CD247: variants seen among roughly 807,000 people sequenced by gnomAD.
CD247 encodes T-cell surface glycoprotein CD3 zeta chain.
In CD247, 13 loss-of-function variants were observed where a neutral mutation model predicts 30.0. The ratio of observed to expected loss-of-function variants is 0.43; its 90% CI spans 0.28 to 0.69. The LOEUF (loss-of-function observed/expected upper bound fraction) is 0.69, where lower values mean the gene tolerates loss of function less well. CD247 is among the 30% of genes least tolerant of loss of function. The pLI is 0.16. For missense variants in CD247, 193 were observed against 212.6 expected, an observed-to-expected ratio of 0.91 and a Z score of 0.57; for synonymous variants, 72 against 80.0, an observed-to-expected ratio of 0.90 and a Z score of 0.53.
intron 1 of CD247, among the ~76,000 whole-genome samples, chr1:167,506,549 A>AT (rs1199999497): frequency 6.6e-6 from 1 of 150,692 alleles, no homozygotes; most frequent in Non-Finnish European, 1.5e-5. Flanking sequence ...TTTTTTTTGT[A>AT]TTTTAGAAGA....
rs1295508813 is a variant in CD247, at chr1:167,431,512, A to ACAGT, written c.*165_*168dup. 9.8e-6 allele frequency: 7 copies of ACAGT among 717,526 alleles called. No individual in the cohort carries two copies. The African/African-American group carries it at 1.2e-4, about 12-fold the overall frequency. The allele number at this position is 717,526 out of a possible 1,614,324, so 44.4% of individuals were successfully genotyped here. On this transcript the variant is annotated 3_prime_UTR_variant, in exon 8 of 8. Transcript: ENST00000362089. ...CACTCCCTTAAAGAGTGCAGGGACA[A>ACAGT]CAGTCTGTGTGTGAAGGTTTGGAGC...
chr1:167,509,414 A>G lies in CD247; in HGVS notation c.58+8994T>C, dbSNP rs143402967. Among the ~76,000 whole-genome samples, 233 of 151,670 alleles carry G rather than the reference A, an allele frequency of 1.5e-3. 1 individual carries two copies. Among genetic ancestry groups the G allele is most frequent in the African/African-American group, 5.5e-3 (228 of 41,336 alleles). On this transcript the variant is annotated intron_variant, in intron 1 of 7. Transcript: ENST00000362089. ...AAGAAAAGAAAAGAAATCATTATCCATCTGGTTATCTTGATGGGCAAAGTA... is the reference window on the plus strand; with the variant it reads ...AAGAAAAGAAAAGAAATCATTATCCGTCTGGTTATCTTGATGGGCAAAGTA...
At chr1:167,442,089 A>G (rs1472449234) in intron 1 of CD247, among the ~76,000 whole-genome samples, 3 of 152,224 alleles carry the variant, frequency 2.0e-5, no homozygotes, top group Non-Finnish European at 4.4e-5. Context: ...TCAGCCTGGC[A>G]CACAGAGTGA....
In CD247 at chr1:167,498,829, AT is replaced by A. The variant is rs567242629; in HGVS notation, c.58+19578del. ...CCTCAACCTTACCATCTAGACAGAA[AT>A]GCAGATGGCGGACACAAGAGGCACT... On this transcript the variant is annotated intron_variant, in intron 1 of 7. Transcript: ENST00000362089. Among the ~76,000 whole-genome samples, 225 of 152,318 alleles carry A rather than the reference AT, an allele frequency of 1.5e-3. 1 individual carries two copies. The highest frequency in any genetic ancestry group is 5.1e-3 in the African/African-American group (213 of 41,562).
intron 1 of CD247, among the ~76,000 whole-genome samples, chr1:167,475,002 T>C (rs928487264): frequency 6.6e-6 from 1 of 152,062 alleles, no homozygotes; most frequent in African/African-American, 2.4e-5. Context: ...TCCACCCGCC[T>C]CAGCCTCCCG....
intron 1 of CD247, chr1:167,459,689 T>G (rs1485985639): frequency 6.6e-6 from 1 of 152,168 alleles, no homozygotes; most frequent in African/African-American, 2.4e-5. Context: ...CTGGACTCGC[T>G]TTAAATGTAG....
At chr1:167,512,755 G>T (rs778390194) in intron 1 of CD247, among the ~76,000 whole-genome samples, 2 of 152,162 alleles carry the variant, frequency 1.3e-5, no homozygotes, top group Non-Finnish European at 2.9e-5. Context: ...AGTCCCCTGC[G>T]TGAAGAGGCA....
In CD247 at chr1:167,518,483, A is replaced by G; in HGVS notation, c.-18T>C. 1 of 1,613,418 alleles carries G rather than the reference A, an allele frequency of 6.2e-7. No individual in the cohort carries two copies. Among genetic ancestry groups the G allele is most frequent in the Non-Finnish European group, 8.5e-7 (1 of 1,179,650 alleles). On this transcript the variant is annotated 5_prime_UTR_variant, in exon 1 of 8. Transcript: ENST00000362089. Reference sequence around the variant, plus strand: ...CACTTCATCTTGTCCTTTCCCTCAGAAAGAGGCTGGGAGGCAGAGGCTGAG... The same window carrying G: ...CACTTCATCTTGTCCTTTCCCTCAGGAAGAGGCTGGGAGGCAGAGGCTGAG...
At chr1:167,462,563 C>G (rs1402466904) in intron 1 of CD247, among the ~76,000 whole-genome samples, 1 of 152,230 alleles carries the variant, frequency 6.6e-6, no homozygotes, top group Non-Finnish European at 1.5e-5. Context: ...GAGAGCTGCA[C>G]AGGGGGCCTG....
At chr1:167,441,417 C>T (rs1339798058) in intron 1 of CD247, among the ~76,000 whole-genome samples, 1 of 152,114 alleles carries the variant, frequency 6.6e-6, no homozygotes, top group Admixed American at 6.5e-5. Context: ...TGCCCCTCCC[C>T]ACCTAGGCCC....
At chr1:167,442,236 A>T (rs559856831) in intron 1 of CD247, among the ~76,000 whole-genome samples, 37 of 152,348 alleles carry the variant, frequency 2.4e-4, no homozygotes, top group Middle Eastern at 3.4e-3. Context: ...CCTGTAAAAC[A>T]GGGTGTGGTA....
intron 1 of CD247, among the ~76,000 whole-genome samples, chr1:167,443,693 G>A (rs889972296): frequency 1.2e-4 from 19 of 152,216 alleles, no homozygotes; most frequent in African/African-American, 3.9e-4. Context: ...ATGTCCCTGA[G>A]ATAAATAATA....
At chr1:167,488,037 C>T (rs1654287579) in intron 1 of CD247, among the ~76,000 whole-genome samples, 1 of 152,180 alleles carries the variant, frequency 6.6e-6, no homozygotes, top group African/African-American at 2.4e-5. Flanking sequence ...TGTGTGCCAG[C>T]CCCACAATAC....
chr1:167,459,175 G>A (rs1253940064), intron 1 of CD247, among the ~76,000 whole-genome samples: 1 of 150,748 alleles, frequency 6.6e-6, no homozygotes, highest in East Asian at 1.9e-4. Flanking sequence ...AGAATTTATT[G>A]TTAAACAGAA....
At chr1:167,464,908 A>G (rs1235010293) in intron 1 of CD247, among the ~76,000 whole-genome samples, 1 of 152,242 alleles carries the variant, frequency 6.6e-6, no homozygotes, top group Non-Finnish European at 1.5e-5. Context: ...TGTAAAAAAC[A>G]AAAACAAAAA....
intron 1 of CD247, among the ~76,000 whole-genome samples, chr1:167,514,993 T>C (rs867019714): frequency 6.6e-6 from 1 of 152,188 alleles, no homozygotes. Context: ...AATACAGCAG[T>C]GGTTATTCAC....
At chr1:167,466,940 C>T (rs1653277611) in intron 1 of CD247, among the ~76,000 whole-genome samples, 1 of 152,094 alleles carries the variant, frequency 6.6e-6, no homozygotes, top group East Asian at 1.9e-4. Flanking sequence ...CCCAGGTTCA[C>T]GCCATTCTCA....
intron 1 of CD247, among the ~76,000 whole-genome samples, chr1:167,464,587 A>C (rs1571550075): frequency 6.6e-6 from 1 of 152,218 alleles, no homozygotes; most frequent in African/African-American, 2.4e-5. Context: ...ACAGGGGCCC[A>C]AATAACTTGA....
intron 1 of CD247, among the ~76,000 whole-genome samples, chr1:167,447,699 A>G (rs1009792819): frequency 3.9e-5 from 6 of 152,124 alleles, no homozygotes; most frequent in Admixed American, 1.3e-4. Flanking sequence ...GTGACACTCA[A>G]ATGGGAAGGG....
Sources: gnomAD v4.1 joint callset for allele counts (sites outside exome capture counted in the v4.1 genomes callset) on GRCh38, gnomAD v4.1.1 for gene constraint, MANE v1.5 for transcripts, NCBI Gene and HGNC (gene_info 2026-07-23, HGNC 2026-07-21) for gene names.